UNC13B: variants seen among roughly 807,000 people sequenced by gnomAD.
UNC13B encodes the protein unc-13 homolog B, also known as protein unc-13 homolog B.
Under a neutral mutation model 211.0 loss-of-function variants are expected in UNC13B, and 144 were observed. That is an observed-to-expected ratio of 0.68 (90% confidence interval 0.60 to 0.78). The LOEUF (loss-of-function observed/expected upper bound fraction) is 0.78, where lower values mean the gene tolerates loss of function less well. Ranked by LOEUF, UNC13B falls within the 30% of genes least tolerant of loss-of-function variation. The pLI, the probability that UNC13B is intolerant of heterozygous loss-of-function variation, is 0.00. For missense variants in UNC13B, 1,777 were observed against 2,002.0 expected, an observed-to-expected ratio of 0.89 and a Z score of 2.14; for synonymous variants, 709 against 725.8, an observed-to-expected ratio of 0.98 and a Z score of 0.37.
rs1829858910 is a variant in UNC13B at position 35,305,029 on chromosome 9, T to C, written c.5625T>C (p.Asp1875=). ...AGGCTAAATCAGGTGTAAAAGATGATGAAATCATTACAACAGACTCTATTT... is the reference window on the plus strand; with the variant it reads ...AGGCTAAATCAGGTGTAAAAGATGACGAAATCATTACAACAGACTCTATTT... The part of the protein sequence containing the change: ...TPQAKSGVKD[D]EIITTDSISV... Residue 1875 remains aspartate, a synonymous_variant, in exon 9 of 40, where the codon GAT becomes GAC. Transcript: ENST00000635942. 2.5e-6 allele frequency: 1 copy of C among 398,980 alleles called. No homozygotes were observed. Among genetic ancestry groups the C allele is most frequent in the Non-Finnish European group, 4.4e-6 (1 of 226,010 alleles). The allele number at this position is 398,980 out of a possible 1,614,324, so 24.7% of individuals were successfully genotyped here. A position where few individuals can be genotyped will look rare whatever the true frequency, so the allele number is the denominator to read the frequency against.
chr9:35,173,148 T>C (rs1821422965), intron 1 of UNC13B, among the ~76,000 whole-genome samples: 1 of 152,104 alleles, frequency 6.6e-6, no homozygotes, highest in South Asian at 2.1e-4. Context: ...AGTTGGACAG[T>C]GGGAAGATAA....
chr9:35,376,502 A>T (rs1490452672), intron 15 of UNC13B, among the ~76,000 whole-genome samples: 3 of 152,228 alleles, frequency 2.0e-5, no homozygotes, highest in Non-Finnish European at 4.4e-5. Context: ...CTAGAATCTT[A>T]TAGGATTCAG....
At chr9:35,199,270 C>G (rs1823127545) in intron 1 of UNC13B, among the ~76,000 whole-genome samples, 1 of 152,148 alleles carries the variant, frequency 6.6e-6, no homozygotes, top group Non-Finnish European at 1.5e-5. Flanking sequence ...GGTTGCAAGT[C>G]TTTGCTATTG....
In UNC13B at chr9:35,302,210, A is replaced by G; in HGVS notation, c.2806A>G (p.Ile936Val). Residue 936 changes from isoleucine to valine, a missense_variant, in exon 9 of 40, where the codon ATT (isoleucine) becomes GTT (valine). Transcript: ENST00000635942. ...SSIKSSSVPN[I>V]HSDLGKFDST... Reference sequence around the variant, plus strand: ...AATAAAATCTAGTTCTGTTCCAAATATTCATAGTGATCTAGGAAAATTTGA... The same window carrying G: ...AATAAAATCTAGTTCTGTTCCAAATGTTCATAGTGATCTAGGAAAATTTGA... The G allele has an allele frequency of 2.5e-6, 1 of 398,776 alleles. No homozygotes were observed. Among genetic ancestry groups the G allele is most frequent in the Non-Finnish European group, 4.4e-6 (1 of 225,832 alleles). 24.7% of individuals were successfully genotyped at this position (398,776 alleles called of 1,614,324 possible).
intron 1 of UNC13B, among the ~76,000 whole-genome samples, chr9:35,227,236 G>C (rs1340995976): frequency 6.6e-6 from 1 of 152,198 alleles, no homozygotes; most frequent in Non-Finnish European, 1.5e-5. Context: ...GAAGTATTAA[G>C]CAGGACTTGG....
rs550248126 is a variant in UNC13B at position 35,299,812 on chromosome 9, C to T, written c.762-354C>T. 6.6e-5 allele frequency among the ~76,000 whole-genome samples: 10 copies of T among 152,204 alleles called. No individual in the cohort carries two copies. In the East Asian group the frequency reaches 1.7e-3, roughly 26 times the overall value. ...ACTTCTTTCTTCCTTTTCCCTGTCT[C>T]TTCCTTTTTCTTTGCTTTATTGTTC... On this transcript the variant is annotated intron_variant, in intron 8 of 39. Transcript: ENST00000635942.
intron 15 of UNC13B, among the ~76,000 whole-genome samples, chr9:35,376,627 T>C (rs1284752745): frequency 6.6e-6 from 1 of 152,052 alleles, no homozygotes; most frequent in Non-Finnish European, 1.5e-5. Flanking sequence ...TTTTGTGGGG[T>C]TCCAGGCCCC....
chr9:35,207,896 G>T (rs754775868), intron 1 of UNC13B, among the ~76,000 whole-genome samples: 9 of 152,104 alleles, frequency 5.9e-5, no homozygotes, highest in Non-Finnish European at 1.3e-4. Context: ...TTGGTTGCTT[G>T]TGCTTTGGGC....
chr9:35,313,964 C>T lies in UNC13B; in HGVS notation c.9389C>T (p.Thr3130Ile). The change falls in exon 11 of 40, where the codon ACC becomes ATC. Residue 3130 changes from threonine to isoleucine, a missense_variant. By Grantham distance (89) the Thr-to-Ile change is moderately conservative (BLOSUM62 -1). Transcript: ENST00000635942. The part of the protein sequence containing the change: ...QARAHWIRAV[T>I]KVRLQLQEIP... ...AGAGCACATTGGATCCGAGCAGTTACCAAGGTTCGACTCCAGCTGCAGGAG... is the reference window on the plus strand; with the variant it reads ...AGAGCACATTGGATCCGAGCAGTTATCAAGGTTCGACTCCAGCTGCAGGAG... 1 of 1,613,810 alleles carries T rather than the reference C, an allele frequency of 6.2e-7. No individual in the cohort carries two copies. Among genetic ancestry groups the T allele is most frequent in the Non-Finnish European group, 8.5e-7 (1 of 1,179,798 alleles).
chr9:35,371,628 T>C (rs1188731793), intron 13 of UNC13B, among the ~76,000 whole-genome samples: 1 of 152,218 alleles, frequency 6.6e-6, no homozygotes, highest in African/African-American at 2.4e-5. Flanking sequence ...CCTACTTTTT[T>C]TCCTCATCCT....
rs554255346 is a variant in UNC13B, at chr9:35,287,446, C to T, written c.527-8250C>T. Among the ~76,000 whole-genome samples, 58 of 152,224 alleles carry T rather than the reference C, an allele frequency of 3.8e-4. 3 individuals carry two copies. In the South Asian group the frequency reaches 0.01, roughly 27 times the overall value. On this transcript the variant is annotated intron_variant, in intron 7 of 39. Transcript: ENST00000635942. ...CATGCCCGACTTCACTGTGCATTCT[C>T]GCTAACAATGTACAAGAGTTCCAGT... is the stretch of plus-strand genomic sequence containing the variant.
chr9:35,271,255 T>C (rs1827866157), intron 7 of UNC13B, among the ~76,000 whole-genome samples: 1 of 152,128 alleles, frequency 6.6e-6, no homozygotes, highest in Non-Finnish European at 1.5e-5. Flanking sequence ...TTTTAGCAGA[T>C]TAGATTTTAT....
intron 11 of UNC13B, among the ~76,000 whole-genome samples, chr9:35,366,299 T>G (rs1833767445): frequency 6.6e-6 from 1 of 152,234 alleles, no homozygotes; most frequent in South Asian, 2.1e-4. Context: ...GTTCCCTTCC[T>G]TGAATTATTT....
Position 35,310,693 on chromosome 9 carries a change from G to A in UNC13B, c.9235G>A (p.Glu3079Lys). Residue 3079 changes from glutamate to lysine, a missense_variant, in exon 10 of 40, where the codon GAA (glutamate) becomes AAA (lysine). By Grantham distance (56) the Glu-to-Lys change is moderately conservative. Transcript: ENST00000635942. ...TGQAEKEAACEPKEMKEDATT... is the reference protein window; with the variant it reads ...TGQAEKEAACKPKEMKEDATT... ...TCAAGCAGAGAAGGAGGCAGCATGTGAACCCAAGGAGATGAAAGAAGATGC... is the reference window on the plus strand; with the variant it reads ...TCAAGCAGAGAAGGAGGCAGCATGTAAACCCAAGGAGATGAAAGAAGATGC... 1 of 1,613,998 alleles carries A rather than the reference G, an allele frequency of 6.2e-7. No individual in the cohort carries two copies. The highest frequency in any genetic ancestry group is 8.5e-7 in the Non-Finnish European group (1 of 1,179,996).
At chr9:35,239,064 A>G (rs1384250688) in intron 5 of UNC13B, among the ~76,000 whole-genome samples, 4 of 152,092 alleles carry the variant, frequency 2.6e-5, no homozygotes, top group Non-Finnish European at 5.9e-5. Context: ...TCCTTGTCCA[A>G]AAGGTTATAC....
chr9:35,246,059 G>A (rs1826079066), intron 6 of UNC13B, among the ~76,000 whole-genome samples: 1 of 152,144 alleles, frequency 6.6e-6, no homozygotes, highest in African/African-American at 2.4e-5. Context: ...GGTGTGAGAT[G>A]GTATGTCATT....
At position 35,310,546 on chromosome 9, in the gene UNC13B, C is replaced by G. The variant is rs990951015; in HGVS notation, c.9088C>G (p.His3030Asp). Residue 3030 changes from histidine to aspartate, a missense_variant, in exon 10 of 40, where the codon CAC (histidine) becomes GAC (aspartate). Transcript: ENST00000635942. ...SSQLSELDQYHEQDDDHRETD... is the reference protein window; with the variant it reads ...SSQLSELDQYDEQDDDHRETD... The stretch of plus-strand genomic sequence containing the variant: ...TCAGCTAAGTGAACTAGACCAGTAT[C>G]ACGAACAAGATGACGACCATCGGGA... 23 of 1,613,970 alleles carry G rather than the reference C, an allele frequency of 1.4e-5. No individual in the cohort carries two copies. The highest frequency in any genetic ancestry group is 4.0e-5 in the African/African-American group (3 of 74,900).
At position 35,175,864 on chromosome 9, in the gene UNC13B, T is replaced by TA. The variant is rs10684971; in HGVS notation, c.22+13571dup. ...AAACCCCGTCTCTACTAAAAATATA[T>TA]AAAAAAAAAAAATTAGCCAGACATT... On this transcript the variant is annotated intron_variant, in intron 1 of 39. Coordinates refer to ENST00000635942, the MANE Select transcript of UNC13B (RefSeq NM_001371189.2). 5.8e-3 allele frequency among the ~76,000 whole-genome samples: 871 copies of TA among 149,842 alleles called. 11 individuals carry two copies. The highest frequency in any genetic ancestry group is 0.018 in the African/African-American group (728 of 40,712).
chr9:35,254,924 A>AT (rs56960903), intron 6 of UNC13B, among the ~76,000 whole-genome samples: 61,766 of 121,848 alleles, frequency 0.51, 16,375 homozygotes, highest in Middle Eastern at 0.58. Context: ...ATATACATAT[A>AT]TAATATAATA....
Sources: allele counts gnomAD v4.1 joint callset (sites outside exome capture counted in the v4.1 genomes callset), GRCh38; gene constraint gnomAD v4.1.1; transcripts MANE v1.5; gene names NCBI Gene and HGNC (gene_info 2026-07-23, HGNC 2026-07-21).